CDH13: variants seen among roughly 807,000 people sequenced by gnomAD.
CDH13 encodes the protein cadherin-13.
A neutral mutation model predicts 63.8 loss-of-function variants in CDH13; 24 were observed. The ratio of observed to expected loss-of-function variants is 0.38; its 90% CI spans 0.27 to 0.53. The LOEUF is 0.53. Among genes scored for constraint, CDH13 ranks in the 20% least tolerant of loss-of-function variants. The pLI, the probability that CDH13 is intolerant of heterozygous loss-of-function variation, is 0.85. For missense variants in CDH13, 1,049 were observed against 903.1 expected (o/e 1.16, Z -2.07); for synonymous variants, 503 against 355.3 (o/e 1.42, Z -4.67).
chr16:82,699,270 G>A (rs1222057464), intron 1 of CDH13, among the ~76,000 whole-genome samples: 1 of 152,154 alleles, frequency 6.6e-6, no homozygotes, highest in Non-Finnish European at 1.5e-5. Flanking sequence ...ACCTGAGGTT[G>A]CCCTGCCAAG....
chr16:82,767,229 G>T (rs1277159234), intron 1 of CDH13, among the ~76,000 whole-genome samples: 2 of 152,138 alleles, frequency 1.3e-5, no homozygotes, highest in Non-Finnish European at 2.9e-5. Context: ...ACACATCTGT[G>T]TAACCCAAAG....
intron 10 of CDH13, among the ~76,000 whole-genome samples, chr16:83,695,015 C>T (rs979731385): frequency 2.6e-5 from 4 of 151,954 alleles, no homozygotes; most frequent in Admixed American, 2.6e-4. Context: ...GAGACCAGCC[C>T]GGCCAACATG....
chr16:83,073,568 G>T (rs978629337), intron 3 of CDH13, among the ~76,000 whole-genome samples: 1 of 152,000 alleles, frequency 6.6e-6, no homozygotes, highest in Non-Finnish European at 1.5e-5. Flanking sequence ...AAACTCTCCT[G>T]AGAATACAAC....
intron 5 of CDH13, among the ~76,000 whole-genome samples, chr16:83,341,330 G>A (rs898182999): frequency 6.6e-6 from 1 of 152,220 alleles, no homozygotes; most frequent in African/African-American, 2.4e-5. Flanking sequence ...GAATTCAAGA[G>A]CCTGACTTCA....
chr16:83,786,840 G>A (rs778426225), intron 13 of CDH13, among the ~76,000 whole-genome samples: 2 of 152,064 alleles, frequency 1.3e-5, no homozygotes, highest in Middle Eastern at 3.4e-3. Flanking sequence ...TGCCTGCCTC[G>A]GCCTCCCAAA....
At chr16:83,707,764 G>A (rs893625572) in intron 10 of CDH13, among the ~76,000 whole-genome samples, 20 of 131,644 alleles carry the variant, frequency 1.5e-4, no homozygotes, top group Admixed American at 6.4e-4. Flanking sequence ...GAGGGAAGGA[G>A]AAAGAGTGAG....
chr16:83,425,291 T>C (rs537569541), intron 6 of CDH13, among the ~76,000 whole-genome samples: 1 of 152,360 alleles, frequency 6.6e-6, no homozygotes, highest in African/African-American at 2.4e-5. Context: ...TTCCAGCCAG[T>C]GTTTCAGCCA....
At chr16:82,810,810 A>C (rs2037404222) in intron 1 of CDH13, among the ~76,000 whole-genome samples, 1 of 152,026 alleles carries the variant, frequency 6.6e-6, no homozygotes, top group African/African-American at 2.4e-5. Flanking sequence ...AGGTGATGGG[A>C]AGGATTTTGC....
chr16:83,040,856 A>G (rs1567772797), intron 3 of CDH13, among the ~76,000 whole-genome samples: 1 of 152,236 alleles, frequency 6.6e-6, no homozygotes, highest in Non-Finnish European at 1.5e-5. Context: ...CAGACCTATG[A>G]TAAATGTTCA....
intron 3 of CDH13, among the ~76,000 whole-genome samples, chr16:83,042,532 A>G (rs1917416836): frequency 6.6e-6 from 1 of 152,176 alleles, no homozygotes; most frequent in African/African-American, 2.4e-5. Flanking sequence ...ATCTCATTGT[A>G]TATTACAATT....
At chr16:83,365,727 C>T (rs1001070706) in intron 6 of CDH13, among the ~76,000 whole-genome samples, 22 of 152,180 alleles carry the variant, frequency 1.4e-4, no homozygotes, top group African/African-American at 5.1e-4. Context: ...AGAGATGCAG[C>T]AGCAGAGAAG....
chr16:82,992,985 C>T (rs947753224), intron 2 of CDH13, among the ~76,000 whole-genome samples: 46 of 152,166 alleles, frequency 3.0e-4, no homozygotes, highest in African/African-American at 1.0e-3. Context: ...CTCTAAGTCT[C>T]GTGGCTGAAG....
chr16:82,898,586 T>C (rs552091379), intron 2 of CDH13, among the ~76,000 whole-genome samples: 2 of 152,268 alleles, frequency 1.3e-5, no homozygotes, highest in South Asian at 2.1e-4. Flanking sequence ...GTCTCATGGA[T>C]GATATAGATA....
chr16:82,867,415 G>C (rs1045594539), intron 2 of CDH13, among the ~76,000 whole-genome samples: 1 of 152,152 alleles, frequency 6.6e-6, no homozygotes, highest in African/African-American at 2.4e-5. Context: ...AGCTCATCCT[G>C]TCTCTGTATT....
chr16:83,344,100 A>G (rs1303032249), intron 5 of CDH13, among the ~76,000 whole-genome samples: 1 of 152,216 alleles, frequency 6.6e-6, no homozygotes, highest in African/African-American at 2.4e-5. Context: ...ACTTATATCC[A>G]AGAGGAAGTA....
rs1045422389 is a variant in CDH13, at chr16:83,522,165, G to A, written c.960+35510G>A. On this transcript the variant is annotated intron_variant, in intron 7 of 13. Transcript: ENST00000567109. ...TTTAGAGGAGCCAGCTCTGGCTTGC[G>A]CTTTAATGTCATGTTTAATGCCTGC... Among the ~76,000 whole-genome samples the A allele has an allele frequency of 5.3e-5, 8 of 152,266 alleles. No individual in the cohort carries two copies. The South Asian group carries it at 6.2e-4, about 12-fold the overall frequency.
intron 2 of CDH13, among the ~76,000 whole-genome samples, chr16:82,971,854 C>G (rs1477302070): frequency 6.6e-6 from 1 of 152,128 alleles, no homozygotes; most frequent in Non-Finnish European, 1.5e-5. Flanking sequence ...TCTTTTGAAT[C>G]CCAGACTTGC....
intron 1 of CDH13, among the ~76,000 whole-genome samples, chr16:82,753,818 CAAGA>C: frequency 6.6e-6 from 1 of 152,306 alleles, no homozygotes; most frequent in African/African-American, 2.4e-5. Flanking sequence ...GTCCAAACAT[CAAGA>C]GAGAAGTGGC....
chr16:83,731,109 G>A (rs1910996576), intron 10 of CDH13, among the ~76,000 whole-genome samples: 1 of 152,138 alleles, frequency 6.6e-6, no homozygotes, highest in African/African-American at 2.4e-5. Flanking sequence ...ATTGTGCATT[G>A]TGCTGTGATA....
Sources: gnomAD v4.1 joint callset for allele counts (sites outside exome capture counted in the v4.1 genomes callset) on GRCh38, gnomAD v4.1.1 for gene constraint, MANE v1.5 for transcripts, NCBI Gene and HGNC (gene_info 2026-07-23, HGNC 2026-07-21) for gene names.